Variants in POLD1 observed in about 807,000 individuals in gnomAD.
The protein encoded by POLD1 is DNA polymerase delta 1, catalytic subunit.
In POLD1, 79 loss-of-function variants were observed where a neutral mutation model predicts 129.7. The observed-to-expected ratio is 0.61, with a 90% confidence interval of 0.51 to 0.73. The LOEUF (loss-of-function observed/expected upper bound fraction) is 0.73, where lower values mean the gene tolerates loss of function less well. POLD1 is among the 30% of genes least tolerant of loss of function. The pLI is 0.00. For synonymous variants in POLD1, 714 were observed against 683.3 expected (o/e 1.04, Z -0.70); for missense variants, 1,338 against 1,595.8 (o/e 0.84, Z 2.75).
At position 50,402,107 on chromosome 19, in the gene POLD1, A is replaced by T. The variant is rs2122240400; in HGVS notation, c.572A>T (p.Glu191Val). The change falls in exon 5 of 27, where the codon GAA (glutamate) becomes GTA (valine). Residue 191 changes from glutamate to valine, a missense_variant. By Grantham distance (121) the Glu-to-Val change is moderately radical (BLOSUM62 -2). This residue lies in a region of POLD1 where 332 missense variants were observed against 315.7 expected (regional missense o/e 1.05). Transcript: ENST00000440232. ...ACTGGGCCGGCCGTGCTGGCTGTGG[A>T]ACTGTGCTCCCGAGAGAGTGAGTGC... ...ELTGPAVLAV[E>V]LCSRESMFGY... is the part of the protein sequence containing the mutation. 1 of 1,613,046 alleles carries T rather than the reference A, an allele frequency of 6.2e-7. No individual in the cohort carries two copies. Among genetic ancestry groups the T allele is most frequent in the Non-Finnish European group, 8.5e-7 (1 of 1,179,446 alleles).
intron 1 of POLD1, among the ~76,000 whole-genome samples, chr19:50,391,919 G>A (rs891947063): frequency 6.6e-6 from 1 of 151,788 alleles, no homozygotes; most frequent in Admixed American, 6.6e-5. Context: ...TTTTCACCAC[G>A]TTGGCCAGGC....
At chr19:50,390,356 A>C (rs1241072159) in intron 1 of POLD1, among the ~76,000 whole-genome samples, 1 of 151,786 alleles carries the variant, frequency 6.6e-6, no homozygotes, top group Non-Finnish European at 1.5e-5. Context: ...TTGCCCCGGG[A>C]GGATGGAGTC....
chr19:50,386,786 G>A (rs1337620827), intron 1 of POLD1, among the ~76,000 whole-genome samples: 1 of 152,206 alleles, frequency 6.6e-6, no homozygotes, highest in Non-Finnish European at 1.5e-5. Context: ...AAGGGAGGAA[G>A]ACACACACCC....
At chr19:50,394,506 A>T (rs1010886102) in intron 1 of POLD1, among the ~76,000 whole-genome samples, 6 of 152,048 alleles carry the variant, frequency 3.9e-5, no homozygotes, top group Non-Finnish European at 7.4e-5. Context: ...ACAAAAAAAA[A>T]TTAGCGGGTA....
At chr19:50,415,972 C>T (rs2039273118) in intron 22 of POLD1, 146 bp downstream of exon 22, 2 of 629,286 alleles carry the variant, frequency 3.2e-6, no homozygotes, top group Admixed American at 6.0e-5. Flanking sequence ...TGGGTGTGGC[C>T]TCGGCCCCCT....
Position 50,416,272 on chromosome 19 carries a change from G to C in POLD1, c.2821-124G>C, listed in dbSNP as rs557649980. 3.6e-4 allele frequency: 363 copies of C among 998,996 alleles called. 1 individual carries two copies. In the African/African-American group the frequency reaches 5.5e-3, roughly 15 times the overall value. The allele number at this position is 998,996 out of a possible 1,614,324, so 61.9% of individuals were successfully genotyped here. On this transcript the variant is annotated intron_variant, in intron 22 of 26. Transcript: ENST00000440232. Reference sequence around the variant, plus strand: ...GACCTCCGACCCCATCCCAGACCCAGGCCCCCCCCATGTCACAGCCCGCAG... The same window carrying C: ...GACCTCCGACCCCATCCCAGACCCACGCCCCCCCCATGTCACAGCCCGCAG...
At position 50,409,505 on chromosome 19, in the gene POLD1, G is replaced by A. The variant is rs374710307; in HGVS notation, c.2007-14G>A. 80 of 1,613,374 alleles carry A rather than the reference G, an allele frequency of 5.0e-5. No individual in the cohort carries two copies. The highest frequency in any genetic ancestry group is 1.2e-4 in the African/African-American group (9 of 74,946). On this transcript the variant is annotated splice_polypyrimidine_tract_variant and intron_variant, in intron 16 of 26. Transcript: ENST00000440232. This position sits in a 1 kb window ranked among gnomAD's most constrained non-coding sequence, Gnocchi z 5.8. ...GGTGCCGCCTGAGTGTGCTTTCCCC[G>A]TGTTCCCTCGCAGGGCCAAGGCCGA... is the stretch of plus-strand genomic sequence containing the variant.
At chr19:50,416,917 C>T (rs993620732) in intron 24 of POLD1, 128 bp from the exon 25 acceptor site, 9 of 1,171,484 alleles carry the variant, frequency 7.7e-6, no homozygotes, top group African/African-American at 4.6e-5. Context: ...GGAGTTTTCC[C>T]AGCACACTTG....
chr19:50,386,459 C>T (rs1006751215), intron 1 of POLD1, among the ~76,000 whole-genome samples: 1 of 152,148 alleles, frequency 6.6e-6, no homozygotes, highest in African/African-American at 2.4e-5. Flanking sequence ...CTTGAAGTAA[C>T]CGGACACTGT....
In POLD1 at chr19:50,415,472, G is replaced by T. The variant is rs367680864; in HGVS notation, c.2599G>T (p.Val867Phe). 5 of 1,613,134 alleles carry T rather than the reference G, an allele frequency of 3.1e-6. No homozygotes were observed. The highest frequency in any genetic ancestry group is 4.2e-6 in the Non-Finnish European group (5 of 1,179,916). Residue 867 changes from valine (V) to phenylalanine (F), a missense_variant, in exon 21 of 27, where the codon GTC becomes TTC. Val to Phe is a conservative substitution (Grantham distance 50, BLOSUM62 -1). Coordinates refer to ENST00000440232, the MANE Select transcript of POLD1 (RefSeq NM_002691.4). ...PEGAVAHAQD[V>F]ISDLLCNRID... The stretch of plus-strand genomic sequence containing the variant: ...GGGCGCGGTGGCTCACGCACAGGAC[G>T]TCATCTCGGACCTGCTGTGCAACCG...
intron 1 of POLD1, among the ~76,000 whole-genome samples, chr19:50,397,982 G>A (rs1177167452): frequency 6.6e-6 from 1 of 152,132 alleles, no homozygotes; most frequent in Non-Finnish European, 1.5e-5. Context: ...ACATGTGGAG[G>A]GGTATGGGAT....
chr19:50,391,483 G>C (rs2038167244), intron 1 of POLD1, among the ~76,000 whole-genome samples: 1 of 152,196 alleles, frequency 6.6e-6, no homozygotes, highest in African/African-American at 2.4e-5. Context: ...ATCACTCGCG[G>C]TCAGGAGCTG....
rs1057519694 is a variant in POLD1, at chr19:50,416,697, G to A, written c.3041G>A (p.Gly1014Asp). Residue 1014 changes from glycine (G) to aspartate (D), a missense_variant, in exon 24 of 27, where the codon GGC (glycine) becomes GAC (aspartate). Around this residue, in one of 3 missense-constraint regions of POLD1, gnomAD observed 286 missense variants for 277.5 expected, o/e 1.03. Coordinates refer to ENST00000440232, the MANE Select transcript of POLD1 (RefSeq NM_002691.4). ...AFAKRRNCCI[G>D]CRTVLSHQGA... ...GCCAAACGCCGCAACTGCTGCATTG[G>A]CTGCCGCACAGTGCTCAGCCACCAG... 2 of 1,544,236 alleles carry A rather than the reference G, an allele frequency of 1.3e-6. No individual in the cohort carries two copies. The highest frequency in any genetic ancestry group is 1.9e-5 in the Admixed American group (1 of 51,468).
rs753865441 is a variant in POLD1, at chr19:50,413,808, G to A, written c.2317G>A (p.Ala773Thr). Residue 773 changes from alanine (A) to threonine (T), a missense_variant, in exon 19 of 27, where the codon GCC (alanine) becomes ACC (threonine). Ala to Thr is a moderately conservative substitution (Grantham distance 58). Around this residue, in one of 3 missense-constraint regions of POLD1, gnomAD observed 720 missense variants for 1,002.6 expected, o/e 0.72. Coordinates refer to ENST00000440232, the MANE Select transcript of POLD1 (RefSeq NM_002691.4). Reference sequence around the variant, plus strand: ...CGTGTCCTCGGTGGCTGAGGCGATGGCCCTGGGGCGGGAGGCCGCGGACTG... The same window carrying A: ...CGTGTCCTCGGTGGCTGAGGCGATGACCCTGGGGCGGGAGGCCGCGGACTG... ...FGVSSVAEAM[A>T]LGREAADWVS... is the part of the protein sequence containing the mutation. 164 of 1,612,468 alleles carry A rather than the reference G, an allele frequency of 1.0e-4. No individual in the cohort carries two copies. The highest frequency in any genetic ancestry group is 2.7e-4 in the Admixed American group (16 of 59,856).
Position 50,402,723 on chromosome 19 carries a change from G to T in POLD1, c.952G>T (p.Glu318Ter), listed in dbSNP as rs775232133. The change falls in exon 8 of 27, where the codon GAG (glutamate) becomes TAG (stop). Residue 318 changes from glutamate (E) to a stop codon, truncating the protein, a stop_gained. Transcript: ENST00000440232. LOFTEE classifies it high-confidence loss of function. ...CTTGCGCGTGCTCAGCTTCGATATC[G>T]AGTGCGCCGGCCGCAAAGGTCTGTC... ...APLRVLSFDI[E>*]CAGRKGIFPE... The T allele has an allele frequency of 6.3e-7, 1 of 1,594,614 alleles. No homozygotes were observed. Among genetic ancestry groups the T allele is most frequent in the Non-Finnish European group, 8.6e-7 (1 of 1,166,818 alleles).
chr19:50,402,585 C>T (rs1348764205), intron 7 of POLD1, 27 bp from the exon 8 acceptor site: 5 of 1,570,002 alleles, frequency 3.2e-6, no homozygotes, highest in Non-Finnish European at 4.3e-6. Context: ...TACCCTGCTG[C>T]CACCGCTGAC....
chr19:50,394,463 C>T (rs958171561), intron 1 of POLD1, among the ~76,000 whole-genome samples: 24 of 152,002 alleles, frequency 1.6e-4, no homozygotes, highest in Non-Finnish European at 3.4e-4. Flanking sequence ...ACCAGCCTGG[C>T]CAACATGGTG....
In POLD1 at chr19:50,415,841, G is replaced by A. The variant is rs2122483123; in HGVS notation, c.2820+15G>A. On this transcript the variant is annotated intron_variant, in intron 22 of 26. Coordinates refer to ENST00000440232, the MANE Select transcript of POLD1 (RefSeq NM_002691.4). ...TGAAGTCGGAGGTCAGGCCCACCTG[G>A]CTGCCTGCTCCCGCCCAGCCCCCTC... 1 of 1,458,036 alleles carries A rather than the reference G, an allele frequency of 6.9e-7. No individual in the cohort carries two copies. The highest frequency in any genetic ancestry group is 9.1e-7 in the Non-Finnish European group (1 of 1,093,260). 90.3% of individuals were successfully genotyped at this position (1,458,036 alleles called of 1,614,324 possible).
chr19:50,400,994 C>G (rs2038578974), intron 3 of POLD1, among the ~76,000 whole-genome samples: 1 of 151,754 alleles, frequency 6.6e-6, no homozygotes, highest in Non-Finnish European at 1.5e-5. Flanking sequence ...CCGCGCCCGG[C>G]CTGGCTAACT....
Sources: gnomAD v4.1 joint callset for allele counts (sites outside exome capture counted in the v4.1 genomes callset) on GRCh38, gnomAD v4.1.1 for gene constraint, gnomAD v4.1.1 regional missense constraint, Gnocchi (gnomAD v3.1) non-coding constraint, MANE v1.5 for transcripts, NCBI Gene and HGNC (gene_info 2026-07-23, HGNC 2026-07-21) for gene names.